Variants in DRC1 observed in about 807,000 individuals in gnomAD.
The protein encoded by DRC1 is dynein regulatory complex subunit 1.
A neutral mutation model predicts 98.7 loss-of-function variants in DRC1; 74 were observed. The ratio of observed to expected loss-of-function variants is 0.75; its 90% CI spans 0.62 to 0.91. The LOEUF (loss-of-function observed/expected upper bound fraction) is 0.91. Among genes scored for constraint, DRC1 ranks in the 40% least tolerant of loss-of-function variants. The pLI, the probability that DRC1 is intolerant of heterozygous loss-of-function variation, is 0.00. For missense variants in DRC1, 875 were observed against 886.0 expected (o/e 0.99, Z 0.16); for synonymous variants, 336 against 334.1 (o/e 1.01, Z -0.06).
At chr2:26,406,405 T>C (rs1678428101) in intron 1 of DRC1, among the ~76,000 whole-genome samples, 1 of 152,080 alleles carries the variant, frequency 6.6e-6, no homozygotes, top group Non-Finnish European at 1.5e-5. Flanking sequence ...GTTAACAGAA[T>C]CAAATGTCAT....
Position 26,402,141 on chromosome 2 carries a change from G to C in DRC1, c.152G>C (p.Arg51Thr), listed in dbSNP as rs776582144. ...LRIAARLEARRREALGEYLDG... is the reference protein window; with the variant it reads ...LRIAARLEARTREALGEYLDG... ...ATCGCTGCGCGCTTAGAAGCCCGGA[G>C]GCGGTGAGCGCGGGGGCGGGCGGGG... is the stretch of plus-strand genomic sequence containing the variant. Residue 51 changes from arginine (R) to threonine (T), a missense_variant, in exon 1 of 17, where the codon AGG (arginine) becomes ACG (threonine). Coordinates refer to ENST00000288710, the MANE Select transcript of DRC1 (RefSeq NM_145038.5). 6.2e-7 allele frequency: 1 copy of C among 1,602,170 alleles called. No homozygotes were observed. The highest frequency in any genetic ancestry group is 8.5e-7 in the Non-Finnish European group (1 of 1,175,608).
chr2:26,456,069 G>C (rs1664158434), intron 16 of DRC1, among the ~76,000 whole-genome samples: 1 of 152,226 alleles, frequency 6.6e-6, no homozygotes, highest in Non-Finnish European at 1.5e-5. Flanking sequence ...ATGACCCTTG[G>C]CCTGTGACAG....
Position 26,453,352 on chromosome 2 carries a change from G to A in DRC1, c.1722G>A (p.Lys574=). 6.2e-7 allele frequency: 1 copy of A among 1,614,202 alleles called. No homozygotes were observed. Among genetic ancestry groups the A allele is most frequent in the Non-Finnish European group, 8.5e-7 (1 of 1,180,042 alleles). ...IKPCSQASME[K]ASMEETSTRS... ...CCTGCAGTCAGGCGAGCATGGAGAA[G>A]GCGAGCATGGAGGAGACAAGCACGA... The change falls in exon 14 of 17, where the codon AAG becomes AAA. Residue 574 remains lysine (K), a synonymous_variant. Transcript: ENST00000288710.
At chr2:26,431,118 G>A (rs1352564672) in intron 6 of DRC1, among the ~76,000 whole-genome samples, 2 of 152,014 alleles carry the variant, frequency 1.3e-5, no homozygotes, top group Non-Finnish European at 1.5e-5. Context: ...ACACCACCAT[G>A]CTAATTTCTG....
chr2:26,452,372 C>T (rs946557151), intron 13 of DRC1, among the ~76,000 whole-genome samples: 1 of 152,208 alleles, frequency 6.6e-6, no homozygotes, highest in Admixed American at 6.5e-5. Flanking sequence ...TCTCCTGCCT[C>T]AGCCTCCTGA....
intron 13 of DRC1, among the ~76,000 whole-genome samples, chr2:26,452,886 A>G (rs1212531989): frequency 1.3e-5 from 2 of 152,254 alleles, no homozygotes; most frequent in Non-Finnish European, 2.9e-5. Context: ...TTATATAGAC[A>G]TACTATTTCC....
intron 2 of DRC1, 58 bp downstream of exon 2, chr2:26,414,489 G>A: frequency 6.7e-7 from 1 of 1,497,914 alleles, no homozygotes. Context: ...GTGACATCAT[G>A]GTTTTCACAT....
At chr2:26,404,774 T>C (rs1558431012) in intron 1 of DRC1, among the ~76,000 whole-genome samples, 1 of 152,144 alleles carries the variant, frequency 6.6e-6, no homozygotes, top group African/African-American at 2.4e-5. Context: ...AGGTCCCAAT[T>C]ATACTTTTGG....
Position 26,421,268 on chromosome 2 carries a change from T to C in DRC1, c.244-20T>C. 1 of 1,607,246 alleles carries C rather than the reference T, an allele frequency of 6.2e-7. No homozygotes were observed. The highest frequency in any genetic ancestry group is 8.5e-7 in the Non-Finnish European group (1 of 1,175,710). On this transcript the variant is annotated intron_variant, in intron 2 of 16. Coordinates refer to ENST00000288710, the MANE Select transcript of DRC1 (RefSeq NM_145038.5). ...TACAAAGTGTTCTAGCTTTGTAAAT[T>C]CTTATATCTCTCTTTTTAGAAATTG...
chr2:26,450,712 T>C, intron 13 of DRC1, 31 bp downstream of exon 13: 1 of 1,475,688 alleles, frequency 6.8e-7, no homozygotes, highest in Non-Finnish European at 9.0e-7. Flanking sequence ...AAGAAAGCAT[T>C]TTCTTTCTTT....
intron 13 of DRC1, among the ~76,000 whole-genome samples, 190 bp from the exon 14 acceptor site, chr2:26,453,130 C>A (rs1664050469): frequency 6.6e-6 from 1 of 152,192 alleles, no homozygotes; most frequent in African/African-American, 2.4e-5. Flanking sequence ...TTCTCGTAGC[C>A]TCCTAGTGCC....
Position 26,450,020 on chromosome 2 carries a change from C to A in DRC1, c.1534C>A (p.Leu512Met). 1 of 1,613,900 alleles carries A rather than the reference C, an allele frequency of 6.2e-7. No individual in the cohort carries two copies. Among genetic ancestry groups the A allele is most frequent in the South Asian group, 1.1e-5 (1 of 91,038 alleles). Reference sequence around the variant, plus strand: ...GGGGTTCCTCATAGAGAGCAAGCTGCTGAGCCTTCTCCTGCCCCTGGAGCA... The same window carrying A: ...GGGGTTCCTCATAGAGAGCAAGCTGATGAGCCTTCTCCTGCCCCTGGAGCA... ...ESGFLIESKL[L>M]SLLLPLEQNE... The change falls in exon 12 of 17, where the codon CTG (leucine) becomes ATG (methionine). Residue 512 changes from leucine (L) to methionine (M), a missense_variant. Physicochemically the swap from Leu to Met is conservative, Grantham distance 15. Transcript: ENST00000288710.
chr2:26,405,861 T>C (rs929965958), intron 1 of DRC1, among the ~76,000 whole-genome samples: 15 of 152,142 alleles, frequency 9.9e-5, no homozygotes, highest in Admixed American at 2.6e-4. Context: ...GGTTTCACCA[T>C]GTTGGCCAGG....
chr2:26,447,710 G>A (rs1395078552), intron 10 of DRC1, among the ~76,000 whole-genome samples: 1 of 151,176 alleles, frequency 6.6e-6, no homozygotes, highest in African/African-American at 2.4e-5. Flanking sequence ...GGGATTACAG[G>A]TGCGTGCCAC....
At chr2:26,448,522 G>A (rs561892158) in intron 10 of DRC1, 169 bp from the exon 11 acceptor site, 10 of 769,112 alleles carry the variant, frequency 1.3e-5, no homozygotes, top group South Asian at 4.4e-5. Context: ...CCGCCTTCCC[G>A]CCACGTAATA....
chr2:26,454,310 G>A lies in DRC1; in HGVS notation c.1920-337G>A, dbSNP rs1252598342. ...CCCCAGATTAAGGCTGTCATGAGGG[G>A]ATGGAGAGGACATGACTGAATTCAA... On this transcript the variant is annotated intron_variant, in intron 14 of 16. Transcript: ENST00000288710. This position sits in a 1 kb window ranked among gnomAD's most constrained non-coding sequence, Gnocchi z 5.2. Among the ~76,000 whole-genome samples the A allele has an allele frequency of 2.0e-5, 3 of 152,206 alleles. No homozygotes were observed. The highest frequency in any genetic ancestry group is 7.2e-5 in the African/African-American group (3 of 41,440).
At chr2:26,424,139 T>C (rs1433564438) in intron 3 of DRC1, 132 bp from the exon 4 acceptor site, 5 of 1,007,918 alleles carry the variant, frequency 5.0e-6, no homozygotes, top group Non-Finnish European at 1.5e-6. Flanking sequence ...TGAGTTTGAT[T>C]TTGGGCGGGT....
intron 8 of DRC1, among the ~76,000 whole-genome samples, chr2:26,443,721 A>G (rs1471017655): frequency 6.6e-6 from 1 of 152,216 alleles, no homozygotes; most frequent in East Asian, 1.9e-4. Context: ...TGAATGAATG[A>G]ATGAGTTACT....
Position 26,402,103 on chromosome 2 carries a change from C to T in DRC1, c.114C>T (p.Ala38=), listed in dbSNP as rs1308841431. 6.2e-7 allele frequency: 1 copy of T among 1,612,250 alleles called. No homozygotes were observed. The highest frequency in any genetic ancestry group is 1.1e-5 in the South Asian group (1 of 91,004). ...ACAACTCTCAGGAGCGCATCCAGGC[C>T]CGGCGCCTCCGCATCGCTGCGCGCT... The part of the protein sequence containing the change: ...HSDNSQERIQ[A]RRLRIAARLE... The change falls in exon 1 of 17, where the codon GCC becomes GCT. Residue 38 remains alanine (A), a synonymous_variant. Transcript: ENST00000288710.
Sources: allele counts gnomAD v4.1 joint callset (sites outside exome capture counted in the v4.1 genomes callset), GRCh38; gene constraint gnomAD v4.1.1; non-coding constraint Gnocchi (gnomAD v3.1); transcripts MANE v1.5; gene names NCBI Gene and HGNC (gene_info 2026-07-23, HGNC 2026-07-21).